PABPC4L: variants seen among roughly 807,000 people sequenced by gnomAD.
The protein encoded by PABPC4L is poly(A) binding protein cytoplasmic 4 like.
For synonymous variants in PABPC4L, 169 were observed against 164.1 expected, an observed-to-expected ratio of 1.03 and a Z score of -0.23; for missense variants, 452 against 451.4, an observed-to-expected ratio of 1.00 and a Z score of -0.01.
At chr4:134,070,675 T>G in the PABPC4L span, among the ~76,000 whole-genome samples, 108,564 of 151,844 alleles carry the variant, frequency 0.71, 39,354 homozygotes, top group East Asian at 0.95. Context: ...GCCAGCAAAA[T>G]GTGCAGGTGA....
chr4:133,983,164 A>T, the PABPC4L span, among the ~76,000 whole-genome samples: 1 of 152,018 alleles, frequency 6.6e-6, no homozygotes, highest in African/African-American at 2.4e-5. Context: ...GAGGAGGTTT[A>T]GTTCTTACAG....
At chr4:133,961,747 C>T in the PABPC4L span, among the ~76,000 whole-genome samples, 43 of 152,242 alleles carry the variant, frequency 2.8e-4, no homozygotes, top group Admixed American at 8.5e-4. Flanking sequence ...GTCCCAGACC[C>T]GCCGTTGACT....
At chr4:134,174,363 C>T in the PABPC4L span, among the ~76,000 whole-genome samples, 1 of 151,988 alleles carries the variant, frequency 6.6e-6, no homozygotes, top group East Asian at 1.9e-4. Context: ...AAACCAGTAA[C>T]ATATTTATTA....
the PABPC4L span, among the ~76,000 whole-genome samples, chr4:134,162,220 T>A: frequency 6.6e-6 from 1 of 152,028 alleles, no homozygotes; most frequent in South Asian, 2.1e-4. Context: ...ATGACAGTAA[T>A]AAGTCCTTCC....
At chr4:134,089,996 G>C in the PABPC4L span, among the ~76,000 whole-genome samples, 1 of 152,038 alleles carries the variant, frequency 6.6e-6, no homozygotes, top group African/African-American at 2.4e-5. Flanking sequence ...AGCAAGAAAA[G>C]AGAAGGGTGA....
At chr4:134,066,385 T>C in the PABPC4L span, among the ~76,000 whole-genome samples, 1 of 152,130 alleles carries the variant, frequency 6.6e-6, no homozygotes, top group Non-Finnish European at 1.5e-5. Flanking sequence ...TTTTTTTAGA[T>C]TGATTTTGCA....
chr4:133,993,689 GGTTTA>G, the PABPC4L span, among the ~76,000 whole-genome samples: 1 of 152,234 alleles, frequency 6.6e-6, no homozygotes, highest in East Asian at 1.9e-4. Context: ...TAACTGAAAA[GGTTTA>G]GTTAAGTTTC....
chr4:134,148,776 C>T, the PABPC4L span, among the ~76,000 whole-genome samples: 23 of 152,164 alleles, frequency 1.5e-4, 1 homozygote, highest in Non-Finnish European at 3.2e-4. Context: ...ATACTAACTC[C>T]TTTTTTGTGT....
the PABPC4L span, among the ~76,000 whole-genome samples, chr4:134,126,503 T>C: frequency 6.6e-6 from 1 of 152,170 alleles, no homozygotes; most frequent in Admixed American, 6.6e-5. Context: ...CCATGCTTAT[T>C]AAAGAGACCC....
chr4:134,016,929 A>C, the PABPC4L span, among the ~76,000 whole-genome samples: 1 of 152,164 alleles, frequency 6.6e-6, no homozygotes, highest in Non-Finnish European at 1.5e-5. Context: ...CCAAGTAAGA[A>C]AACTAAAATA....
the PABPC4L span, among the ~76,000 whole-genome samples, chr4:134,059,362 A>T: frequency 1.3e-5 from 2 of 149,172 alleles, no homozygotes; most frequent in Non-Finnish European, 3.0e-5. Flanking sequence ...ATTAGAGAAA[A>T]GCAGAAACAA....
chr4:134,042,994 G>A, the PABPC4L span, among the ~76,000 whole-genome samples: 1 of 152,080 alleles, frequency 6.6e-6, no homozygotes, highest in Non-Finnish European at 1.5e-5. Flanking sequence ...GTAAATGAAG[G>A]TCTTTTCTTG....
chr4:134,154,946 C>T, the PABPC4L span, among the ~76,000 whole-genome samples: 6 of 151,920 alleles, frequency 3.9e-5, no homozygotes, highest in African/African-American at 1.4e-4. Flanking sequence ...AAACTTCAAC[C>T]GAATATTGTA....
chr4:134,171,707 A>G, the PABPC4L span, among the ~76,000 whole-genome samples: 1 of 152,190 alleles, frequency 6.6e-6, no homozygotes, highest in Non-Finnish European at 1.5e-5. Context: ...TCTAAATAGG[A>G]GGAGAGGAAG....
At chr4:134,174,115 T>C in the PABPC4L span, among the ~76,000 whole-genome samples, 2 of 151,974 alleles carry the variant, frequency 1.3e-5, no homozygotes, top group Non-Finnish European at 2.9e-5. Context: ...ATCTGTGACA[T>C]CAACACACAT....
the PABPC4L span, among the ~76,000 whole-genome samples, chr4:134,127,043 GAA>G: frequency 1.3e-5 from 2 of 152,048 alleles, no homozygotes; most frequent in African/African-American, 4.8e-5. Context: ...GTCTGACACA[GAA>G]GAGACAGCCA....
At chr4:134,046,105 C>G in the PABPC4L span, among the ~76,000 whole-genome samples, 1 of 151,958 alleles carries the variant, frequency 6.6e-6, no homozygotes, top group Non-Finnish European at 1.5e-5. Context: ...CCCAGGGGAC[C>G]GGCACTCAGC....
At chr4:133,986,551 A>G in the PABPC4L span, among the ~76,000 whole-genome samples, 1 of 152,168 alleles carries the variant, frequency 6.6e-6, no homozygotes, top group African/African-American at 2.4e-5. Context: ...TGATCTAAAC[A>G]CCTACAAATA....
At chr4:134,039,423 T>C in the PABPC4L span, among the ~76,000 whole-genome samples, 298 of 152,192 alleles carry the variant, frequency 2.0e-3, 1 homozygote, top group Admixed American at 3.8e-3. Flanking sequence ...GACAGTGGGG[T>C]ATTTAACTCT....
Sources: allele counts gnomAD v4.1 joint callset (sites outside exome capture counted in the v4.1 genomes callset), GRCh38; gene constraint gnomAD v4.1.1; transcripts MANE v1.5; gene names NCBI Gene and HGNC (gene_info 2026-07-23, HGNC 2026-07-21).